Variants in ARIH2 observed in about 807,000 individuals in gnomAD.
The protein encoded by ARIH2 is E3 ubiquitin-protein ligase ARIH2.
Under a neutral mutation model 79.8 loss-of-function variants are expected in ARIH2, and 12 were observed. The observed-to-expected ratio is 0.15, with a 90% CI of 0.10 to 0.24. The LOEUF is 0.24. Ranked by LOEUF, ARIH2 falls within the 10% of genes least tolerant of loss-of-function variation. The probability of loss-of-function intolerance (pLI) is 1.00; values close to 1 mark genes in which losing one functional copy is unlikely to be tolerated. For missense variants in ARIH2, 301 were observed against 618.3 expected, an observed-to-expected ratio of 0.49 and a Z score of 5.44; for synonymous variants, 224 against 213.9, an observed-to-expected ratio of 1.05 and a Z score of -0.41.
intron 11 of ARIH2, among the ~76,000 whole-genome samples, chr3:48,977,705 C>G (rs1337327879): frequency 2.0e-5 from 3 of 152,176 alleles, no homozygotes; most frequent in Non-Finnish European, 4.4e-5. Flanking sequence ...GATTAGCCCA[C>G]CTTGGCCTCC....
intron 3 of ARIH2, among the ~76,000 whole-genome samples, chr3:48,940,667 T>G (rs1479437776): frequency 6.0e-5 from 9 of 150,982 alleles, no homozygotes; most frequent in Non-Finnish European, 1.2e-4. Context: ...TGGTGGCGCG[T>G]GCCTGTAATC....
Position 48,927,765 on chromosome 3 carries a change from T to C in ARIH2, c.207T>C (p.Ser69=). The C allele has an allele frequency of 6.2e-7, 1 of 1,614,234 alleles. No individual in the cohort carries two copies. The highest frequency in any genetic ancestry group is 8.5e-7 in the Non-Finnish European group (1 of 1,180,046). Residue 69 remains serine (S), a synonymous_variant, in exon 3 of 16, where the codon TCT becomes TCC. Transcript: ENST00000356401. ...YQFTCLTYKE[S]EGALNEHMTS... Reference sequence around the variant, plus strand: ...TCACTTGCTTGACCTACAAGGAATCTGAGGGTGCCCTCAATGAGCACATGA... The same window carrying C: ...TCACTTGCTTGACCTACAAGGAATCCGAGGGTGCCCTCAATGAGCACATGA...
chr3:48,941,972 GC>G, intron 3 of ARIH2, among the ~76,000 whole-genome samples: 1 of 150,254 alleles, frequency 6.7e-6, no homozygotes. Flanking sequence ...TGCACCCTCC[GC>G]CCCCCGAGTT....
At chr3:48,927,314 T>G in intron 2 of ARIH2, 148 bp from the exon 3 acceptor site, 3 of 461,502 alleles carry the variant, frequency 6.5e-6, no homozygotes, top group Non-Finnish European at 7.8e-6. Context: ...GCCAGGGGGA[T>G]GATAGTAAGA....
At chr3:48,960,675 A>T (rs573924496) in intron 3 of ARIH2, among the ~76,000 whole-genome samples, 1 of 151,836 alleles carries the variant, frequency 6.6e-6, no homozygotes, top group Non-Finnish European at 1.5e-5. Context: ...GAGGCAGGAG[A>T]ATCGCTTGAG....
intron 5 of ARIH2, among the ~76,000 whole-genome samples, chr3:48,966,043 A>G (rs1395978828): frequency 1.3e-5 from 2 of 152,182 alleles, no homozygotes; most frequent in Admixed American, 6.5e-5. Flanking sequence ...TATATCTATA[A>G]ACTTTTACAT....
At chr3:48,923,023 C>T (rs1367151167) in intron 2 of ARIH2, among the ~76,000 whole-genome samples, 3 of 151,930 alleles carry the variant, frequency 2.0e-5, no homozygotes, top group Non-Finnish European at 4.4e-5. Flanking sequence ...CCGGCTAAAA[C>T]GGTGAAACCC....
rs1339015666 is a variant in ARIH2, at chr3:48,985,539, A to C, written c.*2269A>C. ...ATAAACTGTAAGTTTCTGATTATAA[A>C]AATGTGTCTAGAGTCTTTCTTCATG... On this transcript the variant is annotated 3_prime_UTR_variant, in exon 16 of 16. Transcript: ENST00000356401. 6.6e-6 allele frequency: 1 copy of C among 152,218 alleles called. No homozygotes were observed. Among genetic ancestry groups the C allele is most frequent in the Non-Finnish European group, 1.5e-5 (1 of 68,042 alleles). 9.4% of individuals were successfully genotyped at this position (152,218 alleles called of 1,614,324 possible).
In ARIH2 at chr3:48,944,747, C is replaced by T. The variant is rs118058867; in HGVS notation, c.256-16865C>T. 1.4e-4 allele frequency among the ~76,000 whole-genome samples: 21 copies of T among 152,298 alleles called. No homozygotes were observed. In the East Asian group the frequency reaches 2.5e-3, roughly 18 times the overall value. ...ACTACTGATGCTAATTTTGCCCCAT[C>T]GTAGGCTGGTGTTTACTTACTCCTT... On this transcript the variant is annotated intron_variant, in intron 3 of 15. Coordinates refer to ENST00000356401, the MANE Select transcript of ARIH2 (RefSeq NM_006321.4).
In ARIH2 at chr3:48,974,939, T is replaced by C. The variant is rs1032054286; in HGVS notation, c.940-19T>C. ...GTCAGTGTGCCCTTAACGTGTTTTC[T>C]TCTGTTTCCCTCTGACAGCAATGCT... On this transcript the variant is annotated intron_variant, in intron 10 of 15. Coordinates refer to ENST00000356401, the MANE Select transcript of ARIH2 (RefSeq NM_006321.4). The C allele has an allele frequency of 3.1e-6, 5 of 1,614,100 alleles. No homozygotes were observed. Among genetic ancestry groups the C allele is most frequent in the African/African-American group, 2.7e-5 (2 of 74,954 alleles).
chr3:48,936,013 A>T (rs1158038402), intron 3 of ARIH2, among the ~76,000 whole-genome samples: 9 of 152,192 alleles, frequency 5.9e-5, no homozygotes, highest in Admixed American at 5.9e-4. Context: ...CACAAAATGA[A>T]CTTTGAATTG....
intron 1 of ARIH2, 84 bp downstream of exon 1, chr3:48,919,082 G>C (rs1224832424): frequency 7.8e-7 from 1 of 1,273,888 alleles, no homozygotes; most frequent in Non-Finnish European, 9.9e-7. Context: ...TGGCCGGGCC[G>C]GGACTCCGCC....
intron 3 of ARIH2, among the ~76,000 whole-genome samples, chr3:48,960,244 C>T (rs1014073224): frequency 2.0e-5 from 3 of 152,128 alleles, no homozygotes; most frequent in Non-Finnish European, 2.9e-5. Context: ...TTCCCAATTA[C>T]GATTATAACA....
Position 48,970,613 on chromosome 3 carries a change from C to G in ARIH2, c.679C>G (p.Leu227Val). 6.2e-7 allele frequency: 1 copy of G among 1,613,420 alleles called. No homozygotes were observed. The highest frequency in any genetic ancestry group is 2.2e-5 in the East Asian group (1 of 44,882). Residue 227 changes from leucine to valine, a missense_variant, in exon 8 of 16, where the codon CTG becomes GTG. Physicochemically the swap from Leu to Val is conservative, Grantham distance 32. Transcript: ENST00000356401. The stretch of plus-strand genomic sequence containing the variant: ...TTCACAGAGTCATTACCAGCTCCAG[C>G]TGTGCCCTGGTGCAGACTGCCCCAT... ...DYVESHYQLQ[L>V]CPGADCPMVI... is the part of the protein sequence containing the mutation.
chr3:48,948,576 A>G (rs749620939), intron 3 of ARIH2, among the ~76,000 whole-genome samples: 1 of 152,166 alleles, frequency 6.6e-6, no homozygotes, highest in Non-Finnish European at 1.5e-5. Flanking sequence ...GATGTGAGCC[A>G]CCGCGCCCGG....
At chr3:48,966,611 C>T (rs543774028) in intron 5 of ARIH2, among the ~76,000 whole-genome samples, 2 of 152,176 alleles carry the variant, frequency 1.3e-5, no homozygotes, top group African/African-American at 2.4e-5. Flanking sequence ...TTGGGTACGT[C>T]GATATAGTGA....
rs1485195709 is a variant in ARIH2, at chr3:48,983,408, C to T, written c.*138C>T. The T allele has an allele frequency of 5.3e-6, 4 of 754,728 alleles. No homozygotes were observed. Among genetic ancestry groups the T allele is most frequent in the African/African-American group, 5.2e-5 (3 of 58,104 alleles). The allele number at this position is 754,728 out of a possible 1,614,324, so 46.8% of individuals were successfully genotyped here. A position where few individuals can be genotyped will look rare whatever the true frequency, so the allele number is the denominator to read the frequency against. On this transcript the variant is annotated 3_prime_UTR_variant, in exon 16 of 16. Coordinates refer to ENST00000356401, the MANE Select transcript of ARIH2 (RefSeq NM_006321.4). ...CACTCCTGAGAGACACTGGCAACACCTCTTAGTTGATTTCTGTTTTCTTCT... is the reference window on the plus strand; with the variant it reads ...CACTCCTGAGAGACACTGGCAACACTTCTTAGTTGATTTCTGTTTTCTTCT...
chr3:48,948,324 A>G (rs2089488432), intron 3 of ARIH2, among the ~76,000 whole-genome samples: 1 of 151,304 alleles, frequency 6.6e-6, no homozygotes, highest in African/African-American at 2.4e-5. Context: ...GCTGGAGTGC[A>G]ATGGCGCGAT....
chr3:48,975,871 T>C lies in ARIH2; in HGVS notation c.961+892T>C, dbSNP rs1426976827. Among the ~76,000 whole-genome samples, 13 of 151,204 alleles carry C rather than the reference T, an allele frequency of 8.6e-5. No individual in the cohort carries two copies. The East Asian group carries it at 2.6e-3, about 30-fold the overall frequency. On this transcript the variant is annotated intron_variant, in intron 11 of 15. Coordinates refer to ENST00000356401, the MANE Select transcript of ARIH2 (RefSeq NM_006321.4). ...AGCCACTGTGCCCGACCGAGAATTT[T>C]GCTTTGTAAGGGCCTATGCAAATGC...
Sources: allele counts gnomAD v4.1 joint callset (sites outside exome capture counted in the v4.1 genomes callset), GRCh38; gene constraint gnomAD v4.1.1; transcripts MANE v1.5; gene names NCBI Gene and HGNC (gene_info 2026-07-23, HGNC 2026-07-21).